KLF7: variants seen among roughly 807,000 people sequenced by gnomAD.
KLF7 encodes the protein KLF transcription factor 7, also known as Krueppel-like factor 7.
KLF7 carries 2 observed loss-of-function variants against 27.3 expected under a neutral mutation model. The ratio of observed to expected loss-of-function variants is 0.07; its 90% CI spans 0.03 to 0.23. KLF7 has a LOEUF of 0.23. KLF7 is among the 10% of genes least tolerant of loss of function. The probability of loss-of-function intolerance (pLI) is 1.00; values close to 1 mark genes in which losing one functional copy is unlikely to be tolerated. For synonymous variants in KLF7, 165 were observed against 162.4 expected (o/e 1.02, Z -0.12); for missense variants, 221 against 394.1 (o/e 0.56, Z 3.72).
chr2:207,133,280 T>C (rs1034864360), intron 1 of KLF7, among the ~76,000 whole-genome samples: 8 of 152,138 alleles, frequency 5.3e-5, no homozygotes, highest in African/African-American at 1.7e-4. Context: ...ACGGACAAAA[T>C]GAAATTCACA....
intron 2 of KLF7, among the ~76,000 whole-genome samples, chr2:207,115,947 C>A (rs954718778): frequency 6.6e-6 from 1 of 152,200 alleles, no homozygotes; most frequent in African/African-American, 2.4e-5. Flanking sequence ...TAGAGGAAAG[C>A]TGCAGGGCAG....
chr2:207,095,138 T>C (rs1668475976), intron 2 of KLF7, among the ~76,000 whole-genome samples: 1 of 150,974 alleles, frequency 6.6e-6, no homozygotes, highest in African/African-American at 2.4e-5. Context: ...CCTCCTGGGT[T>C]CACGCCATTC....
At chr2:207,135,224 A>T (rs574254591) in intron 1 of KLF7, among the ~76,000 whole-genome samples, 1 of 152,266 alleles carries the variant, frequency 6.6e-6, no homozygotes, top group South Asian at 2.1e-4. Flanking sequence ...GAAGCAAAAC[A>T]GTAATAGGAG....
At chr2:207,117,020 ATT>A (rs2077206517) in intron 2 of KLF7, among the ~76,000 whole-genome samples, 1 of 152,140 alleles carries the variant, frequency 6.6e-6, no homozygotes, top group African/African-American at 2.4e-5. Flanking sequence ...GTTCGAAAAT[ATT>A]GTTTATGATG....
intron 2 of KLF7, among the ~76,000 whole-genome samples, chr2:207,098,546 T>C (rs77925077): frequency 6.6e-6 from 1 of 152,176 alleles, no homozygotes; most frequent in African/African-American, 2.4e-5. Context: ...CTTTGCTTTT[T>C]GTTTTCAAAT....
chr2:207,120,483 A>G (rs1405028398), intron 2 of KLF7, among the ~76,000 whole-genome samples: 3 of 152,174 alleles, frequency 2.0e-5, no homozygotes, highest in African/African-American at 7.2e-5. Context: ...GATACAGCAT[A>G]TATCTGCAAC....
At chr2:207,081,913 T>C (rs2076281805) in intron 3 of KLF7, among the ~76,000 whole-genome samples, 1 of 150,980 alleles carries the variant, frequency 6.6e-6, no homozygotes, top group Non-Finnish European at 1.5e-5. Context: ...TGTTACGATA[T>C]GTAGGCACTA....
At chr2:207,149,188 C>T (rs2078175544) in intron 1 of KLF7, 1 of 1,284,038 alleles carries the variant, frequency 7.8e-7, no homozygotes, top group South Asian at 1.2e-5. Context: ...TGGAGATGAT[C>T]TTCAATAATT....
chr2:207,083,077 T>TATGA (rs2105851545), intron 3 of KLF7, among the ~76,000 whole-genome samples: 1 of 152,332 alleles, frequency 6.6e-6, no homozygotes, highest in South Asian at 2.1e-4. Flanking sequence ...CCTGACTTTG[T>TATGA]ATGAGGAAGA....
At chr2:207,104,293 C>T (rs2076831410) in intron 2 of KLF7, among the ~76,000 whole-genome samples, 1 of 152,148 alleles carries the variant, frequency 6.6e-6, no homozygotes, top group Admixed American at 6.5e-5. Context: ...GATGAAATGT[C>T]TATATTTTCC....
rs2078689853 is a variant in KLF7, at chr2:207,165,790, G to T, written c.-222C>A. ...GAGTGAGTGGGGTGGATGGAGAGAGGCATCCAGCGTGTACAGTGCAGACGA... is the reference window on the plus strand; with the variant it reads ...GAGTGAGTGGGGTGGATGGAGAGAGTCATCCAGCGTGTACAGTGCAGACGA... On this transcript the variant is annotated 5_prime_UTR_variant, in exon 1 of 4. Coordinates refer to ENST00000309446, the MANE Select transcript of KLF7 (RefSeq NM_003709.4). The T allele has an allele frequency of 1.4e-6, 2 of 1,425,736 alleles. No homozygotes were observed. The highest frequency in any genetic ancestry group is 2.9e-5 in the African/African-American group (2 of 69,450). 88.3% of individuals were successfully genotyped at this position (1,425,736 alleles called of 1,614,324 possible).
chr2:207,170,299 G>A (rs1251121848), upstream of KLF7, among the ~76,000 whole-genome samples: 6 of 152,134 alleles, frequency 3.9e-5, no homozygotes, highest in Admixed American at 6.5e-5. Flanking sequence ...TCAATATTAC[G>A]AAGGATGAGA....
At chr2:207,086,316 T>C (rs1241666894) in intron 3 of KLF7, among the ~76,000 whole-genome samples, 1 of 152,220 alleles carries the variant, frequency 6.6e-6, no homozygotes, top group African/African-American at 2.4e-5. Context: ...CAGTTCCCCA[T>C]GTTGCCTCCC....
chr2:207,112,664 C>A (rs1315627887), intron 2 of KLF7, among the ~76,000 whole-genome samples: 1 of 152,206 alleles, frequency 6.6e-6, no homozygotes, highest in East Asian at 1.9e-4. Context: ...ACTTTCTCAA[C>A]CATTTAAAGT....
At chr2:207,113,865 A>C (rs1574480581) in intron 2 of KLF7, among the ~76,000 whole-genome samples, 1 of 152,144 alleles carries the variant, frequency 6.6e-6, no homozygotes, top group South Asian at 2.1e-4. Context: ...TCCAGCGACC[A>C]TTATTTTATC....
intron 1 of KLF7, among the ~76,000 whole-genome samples, chr2:207,134,880 T>C (rs912301112): frequency 2.0e-5 from 3 of 152,260 alleles, no homozygotes; most frequent in Non-Finnish European, 4.4e-5. Flanking sequence ...CGCAGAAGCA[T>C]TGTGAGAGTT....
upstream of KLF7, among the ~76,000 whole-genome samples, chr2:207,169,068 C>T (rs2078767254): frequency 6.6e-6 from 1 of 152,166 alleles, no homozygotes; most frequent in Non-Finnish European, 1.5e-5. Context: ...TTAGAGAGTG[C>T]ATGTAATTTG....
chr2:207,142,665 T>C (rs1390400959), intron 1 of KLF7, among the ~76,000 whole-genome samples: 1 of 152,100 alleles, frequency 6.6e-6, no homozygotes, highest in African/African-American at 2.4e-5. Context: ...TGAGTGAACT[T>C]TTGCCAAGTG....
At chr2:207,085,277 C>A (rs1419205435) in intron 3 of KLF7, among the ~76,000 whole-genome samples, 1 of 150,874 alleles carries the variant, frequency 6.6e-6, no homozygotes, top group Non-Finnish European at 1.5e-5. Flanking sequence ...GTATTTCTTA[C>A]CACTTATAAG....
Sources: allele counts gnomAD v4.1 joint callset (sites outside exome capture counted in the v4.1 genomes callset), GRCh38; gene constraint gnomAD v4.1.1; transcripts MANE v1.5; gene names NCBI Gene and HGNC (gene_info 2026-07-23, HGNC 2026-07-21).